Variants in RNF103 observed in about 807,000 individuals in gnomAD.
The protein encoded by RNF103 is E3 ubiquitin-protein ligase RNF103.
RNF103 carries 23 observed loss-of-function variants against 66.2 expected under a neutral mutation model. That is an observed-to-expected ratio of 0.35 (90% CI 0.25 to 0.49). The LOEUF (loss-of-function observed/expected upper bound fraction) is 0.49, where lower values mean the gene tolerates loss of function less well. Ranked by LOEUF, RNF103 falls within the 20% of genes least tolerant of loss-of-function variation. The probability of loss-of-function intolerance (pLI) is 0.98; values close to 1 mark genes in which losing one functional copy is unlikely to be tolerated. For synonymous variants in RNF103, 297 were observed against 289.9 expected, an observed-to-expected ratio of 1.02 and a Z score of -0.25; for missense variants, 730 against 814.7, an observed-to-expected ratio of 0.90 and a Z score of 1.27.
At chr2:86,611,574 C>CA (rs1037872904) in intron 3 of RNF103, among the ~76,000 whole-genome samples, 1 of 151,820 alleles carries the variant, frequency 6.6e-6, no homozygotes, top group African/African-American at 2.4e-5. Context: ...AAAACATAAA[C>CA]AAAAACACCT....
At chr2:86,621,488 A>T (rs921514654) in intron 1 of RNF103, among the ~76,000 whole-genome samples, 1 of 152,200 alleles carries the variant, frequency 6.6e-6, no homozygotes, top group Non-Finnish European at 1.5e-5. Context: ...TCAGCAAACA[A>T]GGGGCAAGAA....
Position 86,623,153 on chromosome 2 carries a change from T to C in RNF103, c.-267A>G. On this transcript the variant is annotated 5_prime_UTR_variant, in exon 1 of 4. Transcript: ENST00000237455. ...GCCGACAAAAATAAAGGGGAAAAAC[T>C]CAAAACCCCCATCCATTAAGCACAG... 8.8e-7 allele frequency: 1 copy of C among 1,141,800 alleles called. No individual in the cohort carries two copies. The highest frequency in any genetic ancestry group is 1.1e-6 in the Non-Finnish European group (1 of 932,530). The allele number at this position is 1,141,800 out of a possible 1,614,324, so 70.7% of individuals were successfully genotyped here.
In RNF103 at chr2:86,623,156, A is replaced by G. The variant is rs184586296; in HGVS notation, c.-270T>C. On this transcript the variant is annotated 5_prime_UTR_variant, in exon 1 of 4. Transcript: ENST00000237455. ...GACAAAAATAAAGGGGAAAAACTCAAAACCCCCATCCATTAAGCACAGAAA... is the reference window on the plus strand; with the variant it reads ...GACAAAAATAAAGGGGAAAAACTCAGAACCCCCATCCATTAAGCACAGAAA... 6.3e-5 allele frequency: 72 copies of G among 1,136,734 alleles called. No homozygotes were observed. In the Middle Eastern group the frequency reaches 1.1e-3, roughly 18 times the overall value. The allele number at this position is 1,136,734 out of a possible 1,614,324, so 70.4% of individuals were successfully genotyped here. A position where few individuals can be genotyped will look rare whatever the true frequency, so the allele number is the denominator to read the frequency against.
chr2:86,615,431 A>T lies in RNF103; in HGVS notation c.367-3157T>A, dbSNP rs1678976011. 2.0e-5 allele frequency among the ~76,000 whole-genome samples: 3 copies of T among 151,480 alleles called. No homozygotes were observed. The South Asian group carries it at 6.2e-4, about 31-fold the overall frequency. ...TTTAAATTAACCAACCACTATAAAA[A>T]TGCTAATATTTTCACAAAATAACTC... is the stretch of plus-strand genomic sequence containing the variant. On this transcript the variant is annotated intron_variant, in intron 2 of 3. Coordinates refer to ENST00000237455, the MANE Select transcript of RNF103 (RefSeq NM_005667.4).
intron 2 of RNF103, among the ~76,000 whole-genome samples, chr2:86,619,571 T>C (rs576076408): frequency 6.6e-6 from 1 of 152,338 alleles, no homozygotes; most frequent in Non-Finnish European, 1.5e-5. Context: ...ATATGTCACT[T>C]TGAATGTACA....
At chr2:86,613,951 G>A (rs1382978884) in intron 2 of RNF103, 1 of 151,866 alleles carries the variant, frequency 6.6e-6, no homozygotes, top group African/African-American at 2.4e-5. Flanking sequence ...TTTTTTAAGG[G>A]ACAGGGTCTC....
chr2:86,615,002 A>T, intron 2 of RNF103: 1 of 985,436 alleles, frequency 1.0e-6, no homozygotes, highest in Non-Finnish European at 1.2e-6. Context: ...GGCATCTTTC[A>T]GTGAAGATCT....
At chr2:86,607,266 T>C (rs1296232523) in intron 3 of RNF103, among the ~76,000 whole-genome samples, 2 of 152,226 alleles carry the variant, frequency 1.3e-5, no homozygotes, top group South Asian at 2.1e-4. Flanking sequence ...TTACTTAGCA[T>C]GGATTATATT....
Position 86,605,097 on chromosome 2 carries a change from T to C in RNF103, c.804A>G (p.Val268=), listed in dbSNP as rs753088400. ...TGRVEFIFVN[V]ENWDNKSYMT... is the part of the protein sequence containing the mutation. The stretch of plus-strand genomic sequence containing the variant: ...TATAACTCTTGTTGTCCCAATTTTC[T>C]ACATTAACAAAAATAAACTCAACTC... The change falls in exon 4 of 4, where the codon GTA becomes GTG. Residue 268 remains valine (V), a synonymous_variant. Transcript: ENST00000237455. The C allele has an allele frequency of 4.3e-6, 7 of 1,613,792 alleles. No homozygotes were observed. In the Admixed American group the frequency reaches 1.2e-4, roughly 27 times the overall value.
chr2:86,619,800 AG>A (rs1679155852), intron 2 of RNF103, among the ~76,000 whole-genome samples: 4 of 152,222 alleles, frequency 2.6e-5, no homozygotes, highest in African/African-American at 7.2e-5. Context: ...CATAAAAACA[AG>A]GGTTAAAAAT....
chr2:86,618,428 A>G (rs931003565), intron 2 of RNF103: 2 of 152,750 alleles, frequency 1.3e-5, no homozygotes, highest in Non-Finnish European at 2.9e-5. Flanking sequence ...CACACCCACA[A>G]CTGAATAAAC....
At position 86,623,632 on chromosome 2, in the gene RNF103, C is replaced by G. The variant is rs1189402289; in HGVS notation, c.-746G>C. ...TGCGGCCCGGCCCAGGATGGGGCGT[C>G]GCGGTCTCTGCAGATGGAATCGGTC... On this transcript the variant is annotated 5_prime_UTR_variant, in exon 1 of 4. Transcript: ENST00000237455. 12 of 1,098,684 alleles carry G rather than the reference C, an allele frequency of 1.1e-5. No individual in the cohort carries two copies. The African/African-American group carries it at 1.9e-4, about 17-fold the overall frequency. The allele number at this position is 1,098,684 out of a possible 1,614,324, so 68.1% of individuals were successfully genotyped here. A position where few individuals can be genotyped will look rare whatever the true frequency, so the allele number is the denominator to read the frequency against.
chr2:86,612,348 T>C lies in RNF103; in HGVS notation c.367-74A>G, dbSNP rs907465663. 5 of 772,848 alleles carry C rather than the reference T, an allele frequency of 6.5e-6. No individual in the cohort carries two copies. In the Admixed American group the frequency reaches 1.2e-4, roughly 18 times the overall value. 47.9% of individuals were successfully genotyped at this position (772,848 alleles called of 1,614,324 possible). Reference sequence around the variant, plus strand: ...TCAAGCCAACCGTTTACATCAACAATATAATTTCACTTAAAAAAAAAGATA... The same window carrying C: ...TCAAGCCAACCGTTTACATCAACAACATAATTTCACTTAAAAAAAAAGATA... On this transcript the variant is annotated intron_variant, in intron 2 of 3. Coordinates refer to ENST00000237455, the MANE Select transcript of RNF103 (RefSeq NM_005667.4).
chr2:86,605,156 A>G lies in RNF103; in HGVS notation c.745T>C (p.Phe249Leu). Residue 249 changes from phenylalanine to leucine, a missense_variant, in exon 4 of 4, where the codon TTC (phenylalanine) becomes CTC (leucine). Around this residue, in one of 3 missense-constraint regions of RNF103, gnomAD observed 327 missense variants for 369.8 expected, o/e 0.88. Transcript: ENST00000237455. Reference protein sequence around the residue: ...LFANLDQPPAFFSALSIKFTG... With the variant: ...LFANLDQPPALFSALSIKFTG... ...AACTTTATACTTAGTGCAGAGAAGAAAGCTGGGGGCTGGTCAAGGTTTGCA... is the reference window on the plus strand; with the variant it reads ...AACTTTATACTTAGTGCAGAGAAGAGAGCTGGGGGCTGGTCAAGGTTTGCA... 1 of 1,613,824 alleles carries G rather than the reference A, an allele frequency of 6.2e-7. No homozygotes were observed. Among genetic ancestry groups the G allele is most frequent in the Non-Finnish European group, 8.5e-7 (1 of 1,180,026 alleles).
At chr2:86,616,764 G>A in intron 2 of RNF103, 1 of 985,400 alleles carries the variant, frequency 1.0e-6, no homozygotes, top group Non-Finnish European at 1.2e-6. Context: ...AACACAGCCA[G>A]TAGGGAACAA....
At chr2:86,606,187 TCCC>T (rs202075529) in intron 3 of RNF103, among the ~76,000 whole-genome samples, 11,739 of 152,162 alleles carry the variant, frequency 0.077, 491 homozygotes, top group African/African-American at 0.087. Context: ...TCAAGAATGA[TCCC>T]CATTTTACAG....
Position 86,623,089 on chromosome 2 carries a change from CAGAGACGCAG to C in RNF103, c.-213_-204del. 7.8e-7 allele frequency: 1 copy of C among 1,278,290 alleles called. No individual in the cohort carries two copies. 79.2% of individuals were successfully genotyped at this position (1,278,290 alleles called of 1,614,324 possible). Reference sequence around the variant, plus strand: ...GGGCGCGAGGCGGCGACGAGGGACGCAGAGACGCAGAGCCTCGCGCCGGGCCTCCCAGTCA... The same window carrying C: ...GGGCGCGAGGCGGCGACGAGGGACGCAGCCTCGCGCCGGGCCTCCCAGTCA... On this transcript the variant is annotated 5_prime_UTR_variant, in exon 1 of 4. It removes the in-frame stop codon of an upstream open reading frame in the 5' UTR. Coordinates refer to ENST00000237455, the MANE Select transcript of RNF103 (RefSeq NM_005667.4).
chr2:86,617,679 T>C (rs1558687899), intron 2 of RNF103: 1 of 986,266 alleles, frequency 1.0e-6, no homozygotes, highest in Middle Eastern at 5.2e-4. Flanking sequence ...TTCTTGAAAG[T>C]TATCCTTTAC....
intron 3 of RNF103, among the ~76,000 whole-genome samples, chr2:86,607,905 T>G (rs1678633112): frequency 6.6e-6 from 1 of 152,194 alleles, no homozygotes; most frequent in African/African-American, 2.4e-5. Context: ...TTTCTTCACA[T>G]AAGAAAACAA....
Sources: allele counts gnomAD v4.1 joint callset (sites outside exome capture counted in the v4.1 genomes callset), GRCh38; gene constraint gnomAD v4.1.1; regional missense constraint gnomAD v4.1.1; transcripts MANE v1.5; gene names NCBI Gene and HGNC (gene_info 2026-07-23, HGNC 2026-07-21).